Variants in CCDC69 observed in about 807,000 individuals in gnomAD.
The protein encoded by CCDC69 is coiled-coil domain containing 69, also known as coiled-coil domain-containing protein 69.
In CCDC69, 38 loss-of-function variants were observed where a neutral mutation model predicts 40.3. The ratio of observed to expected loss-of-function variants is 0.94; its 90% confidence interval spans 0.73 to 1.24. The LOEUF is 1.24. Among genes scored for constraint, CCDC69 ranks in the 50% most tolerant of loss-of-function variants. CCDC69 has a pLI of 0.00. For synonymous variants in CCDC69, 141 were observed against 138.9 expected (o/e 1.02, Z -0.11); for missense variants, 389 against 357.9 (o/e 1.09, Z -0.70).
Position 151,201,618 on chromosome 5 carries a change from C to T in CCDC69, c.195G>A (p.Gln65=), listed in dbSNP as rs1170187727. The part of the protein sequence containing the change: ...RHQKDITRIL[Q]QHEEEKKKWA... ...ATTTCTTCTTTTCCTCCTCATGTTGCTGGAGAATTCTGGTTATATCCTTCT... is the reference window on the plus strand; with the variant it reads ...ATTTCTTCTTTTCCTCCTCATGTTGTTGGAGAATTCTGGTTATATCCTTCT... The change falls in exon 3 of 9, where the codon CAG becomes CAA. Residue 65 remains glutamine, a synonymous_variant. Transcript: ENST00000355417. 2 of 1,613,556 alleles carry T rather than the reference C, an allele frequency of 1.2e-6. No individual in the cohort carries two copies. The highest frequency in any genetic ancestry group is 2.2e-5 in the East Asian group (1 of 44,866).
chr5:151,188,357 C>A (rs1167696661), intron 4 of CCDC69, among the ~76,000 whole-genome samples: 1 of 152,178 alleles, frequency 6.6e-6, no homozygotes, highest in Non-Finnish European at 1.5e-5. Context: ...ATTATCCCAG[C>A]ACTTTGGGAG....
At chr5:151,206,967 C>T (rs1232108793) in intron 1 of CCDC69, among the ~76,000 whole-genome samples, 1 of 151,558 alleles carries the variant, frequency 6.6e-6, no homozygotes, top group Non-Finnish European at 1.5e-5. Context: ...GCTCTGTTGC[C>T]CAGGCTGGAG....
intron 3 of CCDC69, 108 bp from the exon 4 acceptor site, chr5:151,199,192 C>A: frequency 1.2e-6 from 1 of 863,360 alleles, no homozygotes; most frequent in Non-Finnish European, 1.9e-6. Context: ...AGTCCTAACC[C>A]TTCCTCTGAG....
chr5:151,189,734 C>A (rs1752580935), intron 4 of CCDC69, among the ~76,000 whole-genome samples: 1 of 152,052 alleles, frequency 6.6e-6, no homozygotes. Context: ...TAGAATGGAA[C>A]CAGATAAAAA....
intron 2 of CCDC69, among the ~76,000 whole-genome samples, chr5:151,203,193 C>T (rs1752799838): frequency 6.6e-6 from 1 of 152,004 alleles, no homozygotes; most frequent in African/African-American, 2.4e-5. Flanking sequence ...TAACTACCAC[C>T]TTATCCTGCT....
At chr5:151,223,166 G>C (rs1021005435) in intron 1 of CCDC69, among the ~76,000 whole-genome samples, 10 of 152,308 alleles carry the variant, frequency 6.6e-5, no homozygotes, top group African/African-American at 2.4e-4. Flanking sequence ...GGGCTCGTCA[G>C]ACCCCAAGGG....
Position 151,196,627 on chromosome 5 carries a change from C to T in CCDC69, c.319+2370G>A, listed in dbSNP as rs187444120. On this transcript the variant is annotated intron_variant, in intron 4 of 8. Coordinates refer to ENST00000355417, the MANE Select transcript of CCDC69 (RefSeq NM_015621.3). Reference sequence around the variant, plus strand: ...TCACCAAGAAGCACATGAAAAGATGCTCAACAGAATTAGGCATTAGGGAAA... The same window carrying T: ...TCACCAAGAAGCACATGAAAAGATGTTCAACAGAATTAGGCATTAGGGAAA... Among the ~76,000 whole-genome samples, 74 of 152,252 alleles carry T rather than the reference C, an allele frequency of 4.9e-4. No homozygotes were observed. The South Asian group carries it at 7.7e-3, about 16-fold the overall frequency.
At position 151,197,707 on chromosome 5, in the gene CCDC69, T is replaced by C. The variant is rs140465633; in HGVS notation, c.319+1290A>G. ...ATATACATAAACTTTACCACACCAA[T>C]TCTATTAGGATGTTATTCTAATGCT... On this transcript the variant is annotated intron_variant, in intron 4 of 8. Coordinates refer to ENST00000355417, the MANE Select transcript of CCDC69 (RefSeq NM_015621.3). 2.6e-5 allele frequency among the ~76,000 whole-genome samples: 4 copies of C among 152,326 alleles called. No homozygotes were observed. In the East Asian group the frequency reaches 7.7e-4, roughly 29 times the overall value.
At position 151,181,116 on chromosome 5, in the gene CCDC69, C is replaced by T. The variant is rs796690772; in HGVS notation, c.*2321G>A. 1.9e-4 allele frequency: 29 copies of T among 152,358 alleles called. No homozygotes were observed. The highest frequency in any genetic ancestry group is 6.7e-4 in the African/African-American group (28 of 41,578). The allele number at this position is 152,358 out of a possible 1,614,324, so 9.4% of individuals were successfully genotyped here. A position where few individuals can be genotyped will look rare whatever the true frequency, so the allele number is the denominator to read the frequency against. On this transcript the variant is annotated 3_prime_UTR_variant, in exon 9 of 9. Coordinates refer to ENST00000355417, the MANE Select transcript of CCDC69 (RefSeq NM_015621.3). ...TGTCCCAGAGTGAGGAGAAGTTGAT[C>T]TCCTTCCCACATCCACCACAGGCTG...
chr5:151,184,343 C>A lies in CCDC69; in HGVS notation c.713+1G>T. 1 of 1,612,842 alleles carries A rather than the reference C, an allele frequency of 6.2e-7. No individual in the cohort carries two copies. On this transcript the variant is annotated splice_donor_variant, in intron 8 of 8. Transcript: ENST00000355417. LOFTEE classifies it high-confidence loss of function. ...AGTAAAGGAGGCAGGAAGACAGCTA[C>A]CTTGACAGGACCACCTGGTTGCGGC...
intron 1 of CCDC69, chr5:151,212,705 G>A: frequency 1.3e-5 from 6 of 448,322 alleles, no homozygotes; most frequent in Non-Finnish European, 2.7e-5. Context: ...CAGAACAAGA[G>A]TTGGTCAGCC....
At position 151,181,662 on chromosome 5, in the gene CCDC69, C is replaced by A. The variant is rs1312607196; in HGVS notation, c.*1775G>T. The A allele has an allele frequency of 6.6e-6, 1 of 152,220 alleles. No homozygotes were observed. Among genetic ancestry groups the A allele is most frequent in the Non-Finnish European group, 1.5e-5 (1 of 68,064 alleles). 9.4% of individuals were successfully genotyped at this position (152,220 alleles called of 1,614,324 possible). On this transcript the variant is annotated 3_prime_UTR_variant, in exon 9 of 9. Transcript: ENST00000355417. ...CTTGTAAGTTTGCCACACACATTGGCATATTAAAGGTTCTGAGAAGTCATT... is the reference window on the plus strand; with the variant it reads ...CTTGTAAGTTTGCCACACACATTGGAATATTAAAGGTTCTGAGAAGTCATT...
chr5:151,183,720 A>AGTG, intron 8 of CCDC69, 106 bp from the exon 9 acceptor site: 1 of 1,006,832 alleles, frequency 9.9e-7, no homozygotes. Flanking sequence ...AGCCTGCTGC[A>AGTG]GGGTCCCCAC....
chr5:151,183,673 C>A lies in CCDC69; in HGVS notation c.714-59G>T, dbSNP rs938604998. The A allele has an allele frequency of 1.5e-5, 22 of 1,477,344 alleles. 1 individual carries two copies. The Admixed American group carries it at 2.3e-4, about 16-fold the overall frequency. The allele number at this position is 1,477,344 out of a possible 1,614,324, so 91.5% of individuals were successfully genotyped here. ...TGGGAGCAGCTGCCACAGAGACCAA[C>A]CCATTCCCCCAGGAAGCCTTCCTTA... On this transcript the variant is annotated intron_variant, in intron 8 of 8. Transcript: ENST00000355417.
intron 2 of CCDC69, 29 bp downstream of exon 2, chr5:151,205,371 T>TGAGGCTGGCTTTTGTGGCCTTTG: frequency 6.4e-7 from 1 of 1,563,078 alleles, no homozygotes; most frequent in Non-Finnish European, 8.8e-7. Flanking sequence ...CAGATGGCAG[T>TGAGGCTGGCTTTTGTGGCCTTTG]TGGGGCCTTT....
At chr5:151,221,516 C>CA (rs1753134426) in intron 1 of CCDC69, among the ~76,000 whole-genome samples, 1 of 152,236 alleles carries the variant, frequency 6.6e-6, no homozygotes, top group South Asian at 2.1e-4. Flanking sequence ...ACTCAAATAT[C>CA]TACTTAAGCA....
intron 2 of CCDC69, among the ~76,000 whole-genome samples, 163 bp downstream of exon 2, chr5:151,205,237 G>A (rs1278376735): frequency 6.6e-6 from 1 of 152,092 alleles, no homozygotes; most frequent in South Asian, 2.1e-4. Context: ...GGAAGCACAG[G>A]TCAGGACTAT....
chr5:151,201,003 A>G (rs886762698), intron 3 of CCDC69, among the ~76,000 whole-genome samples: 1 of 152,218 alleles, frequency 6.6e-6, no homozygotes, highest in Non-Finnish European at 1.5e-5. Flanking sequence ...ATAACAAACA[A>G]TGACAAAGTC....
In CCDC69 at chr5:151,198,991, C is replaced by G; in HGVS notation, c.319+6G>C. The G allele has an allele frequency of 6.2e-7, 1 of 1,612,814 alleles. No homozygotes were observed. On this transcript the variant is annotated splice_donor_region_variant and intron_variant, in intron 4 of 8. Coordinates refer to ENST00000355417, the MANE Select transcript of CCDC69 (RefSeq NM_015621.3). ...ACCTTGGCCAGTGGAACATCTCTAC[C>G]CTTACCTTGCAGGGCCTCTTCATTC...
Sources: allele counts gnomAD v4.1 joint callset (sites outside exome capture counted in the v4.1 genomes callset), GRCh38; gene constraint gnomAD v4.1.1; transcripts MANE v1.5; gene names NCBI Gene and HGNC (gene_info 2026-07-23, HGNC 2026-07-21).